The following UGT8 variants were observed in gnomAD, a reference collection of about 807,000 sequenced individuals.
UGT8 encodes the protein UDP glycosyltransferase 8.
Under a neutral mutation model 40.5 loss-of-function variants are expected in UGT8, and 12 were observed. That is an observed-to-expected ratio of 0.30 (90% CI 0.19 to 0.48). The LOEUF (loss-of-function observed/expected upper bound fraction) is 0.48, where lower values mean the gene tolerates loss of function less well. UGT8 is among the 20% of genes least tolerant of loss of function. The probability of loss-of-function intolerance (pLI) is 0.99; values close to 1 mark genes in which losing one functional copy is unlikely to be tolerated. For synonymous variants in UGT8, 224 were observed against 240.4 expected, an observed-to-expected ratio of 0.93 and a Z score of 0.63; for missense variants, 513 against 648.7, an observed-to-expected ratio of 0.79 and a Z score of 2.27.
chr4:114,608,464 T>C (rs1359282299), intron 1 of UGT8, among the ~76,000 whole-genome samples: 1 of 152,180 alleles, frequency 6.6e-6, no homozygotes, highest in Non-Finnish European at 1.5e-5. Flanking sequence ...TCTATACGTA[T>C]TTTGATTTTT....
intron 1 of UGT8, among the ~76,000 whole-genome samples, chr4:114,618,960 A>G (rs1033989090): frequency 6.6e-6 from 1 of 152,092 alleles, no homozygotes. Flanking sequence ...ACACTGATGC[A>G]TTGATTTCAT....
intron 5 of UGT8, among the ~76,000 whole-genome samples, chr4:114,672,572 A>C (rs1735361375): frequency 6.6e-6 from 1 of 152,076 alleles, no homozygotes; most frequent in East Asian, 1.9e-4. Flanking sequence ...GGAACAGAAA[A>C]CCAAATACTG....
At chr4:114,643,710 A>G (rs559001250) in intron 2 of UGT8, among the ~76,000 whole-genome samples, 1 of 152,300 alleles carries the variant, frequency 6.6e-6, no homozygotes, top group African/African-American at 2.4e-5. Context: ...TGGAAAAACT[A>G]AGACACTAAG....
At chr4:114,656,857 T>G (rs112206926) in intron 2 of UGT8, 1 of 506,360 alleles carries the variant, frequency 2.0e-6, no homozygotes, top group Non-Finnish European at 4.1e-6. Context: ...CTACTTACTG[T>G]AGGTACGGCC....
At chr4:114,602,102 T>A (rs1245759497) in intron 1 of UGT8, among the ~76,000 whole-genome samples, 7 of 152,078 alleles carry the variant, frequency 4.6e-5, no homozygotes, top group Admixed American at 2.6e-4. Context: ...ATAGAAAAAA[T>A]TTGTGTATGA....
At chr4:114,603,605 G>T (rs1183806109) in intron 1 of UGT8, among the ~76,000 whole-genome samples, 1 of 152,064 alleles carries the variant, frequency 6.6e-6, no homozygotes, top group Admixed American at 6.6e-5. Context: ...AAGTGAGAAG[G>T]TCAGGTACTG....
intron 2 of UGT8, among the ~76,000 whole-genome samples, chr4:114,655,051 AGTTTTTT>A (rs375258158): frequency 6.7e-6 from 1 of 150,230 alleles, no homozygotes; most frequent in African/African-American, 2.4e-5. Flanking sequence ...CCCGGTACCT[AGTTTTTT>A]GTTTTTTGTT....
intron 1 of UGT8, among the ~76,000 whole-genome samples, chr4:114,613,217 G>A (rs1339203165): frequency 1.3e-5 from 2 of 152,136 alleles, no homozygotes; most frequent in Non-Finnish European, 2.9e-5. Context: ...TACTTGAACT[G>A]TGAGCTAACT....
intron 2 of UGT8, among the ~76,000 whole-genome samples, chr4:114,656,042 G>T (rs2126126263): frequency 6.6e-6 from 1 of 152,190 alleles, no homozygotes; most frequent in South Asian, 2.1e-4. Context: ...ATCACAGAAG[G>T]GATGCTATAT....
intron 2 of UGT8, among the ~76,000 whole-genome samples, chr4:114,625,653 T>C (rs868062940): frequency 5.9e-5 from 9 of 152,316 alleles, no homozygotes; most frequent in Middle Eastern, 3.4e-3. Context: ...TGTTTTATTT[T>C]CAATACTCTA....
Position 114,676,337 on chromosome 4 carries a change from T to C in UGT8, c.*49T>C, listed in dbSNP as rs779828142. On this transcript the variant is annotated 3_prime_UTR_variant, in exon 6 of 6. Coordinates refer to ENST00000310836, the MANE Select transcript of UGT8 (RefSeq NM_001128174.3). Reference sequence around the variant, plus strand: ...TAAATTGGTTCACTCATTGAATTTTTATTGCTATTATTTAGTCTAACAGCT... The same window carrying C: ...TAAATTGGTTCACTCATTGAATTTTCATTGCTATTATTTAGTCTAACAGCT... 2.7e-6 allele frequency: 4 copies of C among 1,455,382 alleles called. No homozygotes were observed. The highest frequency in any genetic ancestry group is 3.7e-6 in the Non-Finnish European group (4 of 1,081,394). The allele number at this position is 1,455,382 out of a possible 1,614,324, so 90.2% of individuals were successfully genotyped here. A position where few individuals can be genotyped will look rare whatever the true frequency, so the allele number is the denominator to read the frequency against.
At chr4:114,670,892 A>T (rs1735225600) in intron 5 of UGT8, among the ~76,000 whole-genome samples, 1 of 152,210 alleles carries the variant, frequency 6.6e-6, no homozygotes, top group Admixed American at 6.5e-5. Flanking sequence ...TTTGCAGATG[A>T]CATGGTTTTA....
chr4:114,634,994 A>G (rs1732801221), intron 2 of UGT8, among the ~76,000 whole-genome samples: 1 of 152,176 alleles, frequency 6.6e-6, no homozygotes, highest in Non-Finnish European at 1.5e-5. Flanking sequence ...AGGCATAGAA[A>G]AGGATCAGTT....
At chr4:114,632,750 A>G (rs1250000726) in intron 2 of UGT8, among the ~76,000 whole-genome samples, 1 of 152,212 alleles carries the variant, frequency 6.6e-6, no homozygotes. Flanking sequence ...GTCAACTTTT[A>G]TGTCCCACCC....
At chr4:114,642,247 A>C (rs961008278) in intron 2 of UGT8, among the ~76,000 whole-genome samples, 1 of 152,008 alleles carries the variant, frequency 6.6e-6, no homozygotes, top group African/African-American at 2.4e-5. Flanking sequence ...TCTTTGAGAT[A>C]GTGGGACTTT....
At chr4:114,637,793 C>CAAGT (rs1347718134) in intron 2 of UGT8, among the ~76,000 whole-genome samples, 3 of 152,122 alleles carry the variant, frequency 2.0e-5, no homozygotes, top group African/African-American at 7.2e-5. Context: ...TTAAAAACAG[C>CAAGT]AAGTACATTT....
intron 5 of UGT8, among the ~76,000 whole-genome samples, chr4:114,670,010 G>A (rs776611360): frequency 6.6e-5 from 10 of 152,106 alleles, no homozygotes; most frequent in East Asian, 1.9e-4. Context: ...TATTGTGTCC[G>A]AGATATTCTA....
At chr4:114,675,797 C>G in intron 5 of UGT8, 128 bp from the exon 6 acceptor site, 3 of 672,322 alleles carry the variant, frequency 4.5e-6, no homozygotes, top group Non-Finnish European at 4.6e-6. Context: ...TAACACAGTG[C>G]TTGTACATGC....
rs946512162 is a variant in UGT8 at position 114,601,676 on chromosome 4, T to C, written c.-3+2702T>C. ...CTTGGAGAATATTGGATATAAGTTATTCTTTCTTGTTGGGTTGTCTTTATG... is the reference window on the plus strand; with the variant it reads ...CTTGGAGAATATTGGATATAAGTTACTCTTTCTTGTTGGGTTGTCTTTATG... On this transcript the variant is annotated intron_variant, in intron 1 of 5. Coordinates refer to ENST00000310836, the MANE Select transcript of UGT8 (RefSeq NM_001128174.3). Among the ~76,000 whole-genome samples the C allele has an allele frequency of 7.2e-5, 11 of 152,190 alleles. No individual in the cohort carries two copies. The East Asian group carries it at 2.1e-3, about 29-fold the overall frequency.
Sources: allele counts gnomAD v4.1 joint callset (sites outside exome capture counted in the v4.1 genomes callset), GRCh38; gene constraint gnomAD v4.1.1; transcripts MANE v1.5; gene names NCBI Gene and HGNC (gene_info 2026-07-23, HGNC 2026-07-21).